Variants in FLVCR2 observed in about 807,000 individuals in gnomAD.
FLVCR2 encodes choline/ethanolamine transporter FLVCR2.
Under a neutral mutation model 48.9 loss-of-function variants are expected in FLVCR2, and 38 were observed. The ratio of observed to expected loss-of-function variants is 0.78; its 90% CI spans 0.60 to 1.02. The LOEUF is 1.02. Among genes scored for constraint, FLVCR2 ranks in the 50% least tolerant of loss-of-function variants. The pLI is 0.00. For synonymous variants in FLVCR2, 255 were observed against 257.0 expected (o/e 0.99, Z 0.07); for missense variants, 664 against 663.3 (o/e 1.00, Z -0.01).
At chr14:75,599,755 C>T (rs1239453717) in intron 1 of FLVCR2, among the ~76,000 whole-genome samples, 1 of 152,152 alleles carries the variant, frequency 6.6e-6, no homozygotes, top group Non-Finnish European at 1.5e-5. Context: ...GGCATAAAGA[C>T]AGGCATATAG....
intron 1 of FLVCR2, among the ~76,000 whole-genome samples, chr14:75,581,468 G>T (rs1888604704): frequency 6.6e-6 from 1 of 152,132 alleles, no homozygotes; most frequent in South Asian, 2.1e-4. Flanking sequence ...GGACGGTAAG[G>T]GGTATGAAGG....
At chr14:75,638,953 G>T (rs1890235320) in intron 5 of FLVCR2, among the ~76,000 whole-genome samples, 1 of 152,266 alleles carries the variant, frequency 6.6e-6, no homozygotes, top group Non-Finnish European at 1.5e-5. Flanking sequence ...GCTTTGTAAG[G>T]CCTGTAATCC....
intron 1 of FLVCR2, among the ~76,000 whole-genome samples, chr14:75,586,739 T>G (rs944095244): frequency 1.3e-5 from 2 of 152,034 alleles, no homozygotes; most frequent in African/African-American, 2.4e-5. Flanking sequence ...AAATGCTTCT[T>G]ACATACTCCA....
At chr14:75,633,872 G>A (rs1250167635) in intron 4 of FLVCR2, among the ~76,000 whole-genome samples, 176 bp downstream of exon 4, 3 of 152,002 alleles carry the variant, frequency 2.0e-5, no homozygotes, top group Non-Finnish European at 4.4e-5. Context: ...CCTAGCTTTG[G>A]TGTTACTAAA....
intron 1 of FLVCR2, among the ~76,000 whole-genome samples, chr14:75,601,200 C>T (rs1353313931): frequency 3.3e-5 from 5 of 152,264 alleles, no homozygotes; most frequent in African/African-American, 7.2e-5. Flanking sequence ...AGCAGGAACA[C>T]GCCTTTAAGA....
chr14:75,605,974 A>G (rs1265563809), intron 1 of FLVCR2: 1 of 291,906 alleles, frequency 3.4e-6, no homozygotes, highest in Non-Finnish European at 6.7e-6. Context: ...TGCTGTGTTC[A>G]TCTACTGGAA....
intron 3 of FLVCR2, among the ~76,000 whole-genome samples, chr14:75,632,176 G>A (rs959860893): frequency 2.6e-5 from 4 of 152,216 alleles, no homozygotes; most frequent in Non-Finnish European, 4.4e-5. Context: ...GAGCCACAGG[G>A]CCTGAGTTCA....
At chr14:75,637,240 T>G (rs1233579993) in intron 5 of FLVCR2, among the ~76,000 whole-genome samples, 1 of 152,204 alleles carries the variant, frequency 6.6e-6, no homozygotes, top group African/African-American at 2.4e-5. Context: ...GTTTCTTCAT[T>G]GGTAAAATGA....
chr14:75,578,802 T>A lies in FLVCR2; in HGVS notation c.-171T>A. 3.0e-6 allele frequency: 2 copies of A among 669,012 alleles called. No individual in the cohort carries two copies. The highest frequency in any genetic ancestry group is 5.2e-6 in the Non-Finnish European group (2 of 382,226). 41.4% of individuals were successfully genotyped at this position (669,012 alleles called of 1,614,324 possible). The stretch of plus-strand genomic sequence containing the variant: ...CCAAGCAAAAGTGGGAGCAGGAGCT[T>A]GGAGGTGAGCACAGGAAGCCCCACT... On this transcript the variant is annotated 5_prime_UTR_variant, in exon 1 of 10. Transcript: ENST00000238667.
intron 5 of FLVCR2, among the ~76,000 whole-genome samples, chr14:75,639,133 C>A (rs895634197): frequency 6.6e-6 from 1 of 152,180 alleles, no homozygotes; most frequent in Non-Finnish European, 1.5e-5. Context: ...ATTGCTGGAG[C>A]CCAGGAGGTA....
chr14:75,632,757 C>A lies in FLVCR2; in HGVS notation c.953-872C>A, dbSNP rs977882275. The A allele has an allele frequency of 6.7e-5, 47 of 702,072 alleles. 1 individual carries two copies. Among genetic ancestry groups the A allele is most frequent in the Non-Finnish European group, 1.1e-4 (44 of 384,800 alleles). The allele number at this position is 702,072 out of a possible 1,614,324, so 43.5% of individuals were successfully genotyped here. A position where few individuals can be genotyped will look rare whatever the true frequency, so the allele number is the denominator to read the frequency against. Reference sequence around the variant, plus strand: ...ATGTTTAGTTAAAGTTAGAAAGACCCCCGGTGGGCATTATGGAGTGGCAGT... The same window carrying A: ...ATGTTTAGTTAAAGTTAGAAAGACCACCGGTGGGCATTATGGAGTGGCAGT... On this transcript the variant is annotated intron_variant, in intron 3 of 9. Transcript: ENST00000238667.
intron 5 of FLVCR2, among the ~76,000 whole-genome samples, chr14:75,638,695 C>T (rs182732986): frequency 3.9e-5 from 6 of 152,198 alleles, no homozygotes; most frequent in Admixed American, 6.5e-5. Flanking sequence ...AGGGCTTTGC[C>T]CTTCTTGTCT....
chr14:75,644,488 C>T (rs146527301), intron 9 of FLVCR2, among the ~76,000 whole-genome samples: 26 of 152,308 alleles, frequency 1.7e-4, no homozygotes, highest in African/African-American at 6.0e-4. Flanking sequence ...ATTGTTGGCT[C>T]AGTCTCTTTT....
rs1204570988 is a variant in FLVCR2 at position 75,632,854 on chromosome 14, G to C, written c.953-775G>C. ...TGACGATAATACTACCTACTTTCTAGAGTTGTCATAAAGTGTCTAATCCAT... is the reference window on the plus strand; with the variant it reads ...TGACGATAATACTACCTACTTTCTACAGTTGTCATAAAGTGTCTAATCCAT... On this transcript the variant is annotated intron_variant, in intron 3 of 9. Coordinates refer to ENST00000238667, the MANE Select transcript of FLVCR2 (RefSeq NM_017791.3). 4.3e-6 allele frequency: 3 copies of C among 702,214 alleles called. No homozygotes were observed. In the African/African-American group the frequency reaches 5.2e-5, roughly 12 times the overall value. The allele number at this position is 702,214 out of a possible 1,614,324, so 43.5% of individuals were successfully genotyped here. A position where few individuals can be genotyped will look rare whatever the true frequency, so the allele number is the denominator to read the frequency against.
At chr14:75,592,713 G>T (rs1204393386) in intron 1 of FLVCR2, among the ~76,000 whole-genome samples, 1 of 152,152 alleles carries the variant, frequency 6.6e-6, no homozygotes, top group Non-Finnish European at 1.5e-5. Context: ...CCTAGGCCGG[G>T]CATGGTGGCT....
intron 2 of FLVCR2, among the ~76,000 whole-genome samples, chr14:75,623,286 A>C (rs1889810001): frequency 6.6e-6 from 1 of 152,032 alleles, no homozygotes; most frequent in African/African-American, 2.4e-5. Context: ...CTGGCCGGCC[A>C]CTACTGTTAA....
At chr14:75,584,686 C>T (rs927557918) in intron 1 of FLVCR2, among the ~76,000 whole-genome samples, 3 of 152,196 alleles carry the variant, frequency 2.0e-5, no homozygotes, top group Non-Finnish European at 4.4e-5. Flanking sequence ...GGAGGTCTGG[C>T]TCGTGAAGCC....
chr14:75,625,079 A>T (rs1442409522), intron 3 of FLVCR2, among the ~76,000 whole-genome samples: 2 of 64,796 alleles, frequency 3.1e-5, no homozygotes, highest in Non-Finnish European at 9.0e-5. Flanking sequence ...ACCTGTCATT[A>T]AAAAAAAATT....
rs376106908 is a variant in FLVCR2 at position 75,579,494 on chromosome 14, G to T, written c.522G>T (p.Pro174=). Residue 174 remains proline, a synonymous_variant, in exon 1 of 10, where the codon CCG becomes CCT. Transcript: ENST00000238667. Reference sequence around the variant, plus strand: ...GGGTGAAGCTGGGCAGCCTGAAGCCGCATCTCTTTCCGGTCACCGTGGTGG... The same window carrying T: ...GGGTGAAGCTGGGCAGCCTGAAGCCTCATCTCTTTCCGGTCACCGTGGTGG... The part of the protein sequence containing the change: ...GAWVKLGSLK[P]HLFPVTVVGQ... 3.1e-6 allele frequency: 5 copies of T among 1,612,688 alleles called. No homozygotes were observed. The highest frequency in any genetic ancestry group is 4.2e-6 in the Non-Finnish European group (5 of 1,179,094).
Sources: allele counts gnomAD v4.1 joint callset (sites outside exome capture counted in the v4.1 genomes callset), GRCh38; gene constraint gnomAD v4.1.1; transcripts MANE v1.5; gene names NCBI Gene and HGNC (gene_info 2026-07-23, HGNC 2026-07-21).